The following ST6GALNAC3 variants were observed in gnomAD, a reference collection of about 807,000 sequenced individuals.
ST6GALNAC3 encodes the protein alpha-N-acetylgalactosaminide alpha-2,6-sialyltransferase 3.
ST6GALNAC3 carries 25 observed loss-of-function variants against 32.7 expected under a neutral mutation model. That is an observed-to-expected ratio of 0.76 (90% CI 0.56 to 1.07). ST6GALNAC3 has a LOEUF of 1.07. ST6GALNAC3 is among the 50% of genes least tolerant of loss of function. The probability of loss-of-function intolerance (pLI) is 0.00; values close to 1 mark genes in which losing one functional copy is unlikely to be tolerated. For missense variants in ST6GALNAC3, 355 were observed against 382.4 expected, an observed-to-expected ratio of 0.93 and a Z score of 0.60; for synonymous variants, 129 against 133.1, an observed-to-expected ratio of 0.97 and a Z score of 0.21.
At chr1:76,291,225 A>G (rs1660066558) in intron 1 of ST6GALNAC3, among the ~76,000 whole-genome samples, 1 of 152,222 alleles carries the variant, frequency 6.6e-6, no homozygotes, top group Admixed American at 6.5e-5. Context: ...TTACAACGGC[A>G]TATCGAAAGG....
At chr1:76,166,468 C>T (rs1429696321) in intron 1 of ST6GALNAC3, among the ~76,000 whole-genome samples, 4 of 151,942 alleles carry the variant, frequency 2.6e-5, no homozygotes. Flanking sequence ...CTTAAGATTG[C>T]CTTGACTATT....
At chr1:76,589,996 T>C (rs542881067) in intron 3 of ST6GALNAC3, among the ~76,000 whole-genome samples, 1 of 152,220 alleles carries the variant, frequency 6.6e-6, no homozygotes, top group East Asian at 2.0e-4. Context: ...GGGCTAAGTA[T>C]CCTACAAACT....
chr1:76,107,317 A>G (rs936519322), intron 1 of ST6GALNAC3, among the ~76,000 whole-genome samples: 1 of 141,720 alleles, frequency 7.1e-6, no homozygotes, highest in Non-Finnish European at 1.5e-5. Flanking sequence ...TTTTTTTTAT[A>G]ATAATCAGGC....
chr1:76,613,271 G>C (rs1332491937), intron 3 of ST6GALNAC3, among the ~76,000 whole-genome samples: 1 of 152,132 alleles, frequency 6.6e-6, no homozygotes, highest in Non-Finnish European at 1.5e-5. Context: ...TCTATCTCCT[G>C]GGGGGTCCAA....
At chr1:76,327,941 A>G (rs1647110331) in intron 2 of ST6GALNAC3, among the ~76,000 whole-genome samples, 1 of 152,222 alleles carries the variant, frequency 6.6e-6, no homozygotes, top group East Asian at 1.9e-4. Context: ...TCAAGTTGAC[A>G]CATAAAATAA....
At chr1:76,190,919 T>C (rs1653857325) in intron 1 of ST6GALNAC3, among the ~76,000 whole-genome samples, 1 of 152,214 alleles carries the variant, frequency 6.6e-6, no homozygotes, top group Non-Finnish European at 1.5e-5. Flanking sequence ...TAGAAACTTA[T>C]TTCTCAAAGT....
chr1:76,432,290 A>T (rs1158185331), intron 3 of ST6GALNAC3, among the ~76,000 whole-genome samples: 1 of 152,100 alleles, frequency 6.6e-6, no homozygotes, highest in African/African-American at 2.4e-5. Flanking sequence ...GGTTGTTTCC[A>T]AGTTTTGTCA....
At chr1:76,624,700 T>C (rs1160968096) in intron 3 of ST6GALNAC3, among the ~76,000 whole-genome samples, 5 of 151,922 alleles carry the variant, frequency 3.3e-5, no homozygotes, top group Non-Finnish European at 7.4e-5. Context: ...AGTTATGGCC[T>C]TGGCCTTCGT....
At chr1:76,331,956 T>G (rs558477884) in intron 2 of ST6GALNAC3, among the ~76,000 whole-genome samples, 166 of 152,292 alleles carry the variant, frequency 1.1e-3, no homozygotes, top group African/African-American at 3.9e-3. Context: ...ATTTGTGAAG[T>G]TTCTCGAAAG....
chr1:76,082,792 T>G (rs1173128013), intron 1 of ST6GALNAC3, among the ~76,000 whole-genome samples: 1 of 152,098 alleles, frequency 6.6e-6, no homozygotes, highest in Admixed American at 6.5e-5. Context: ...CATCTGGTAC[T>G]TGAGAGAGTG....
At chr1:76,142,847 T>TG (rs950739185) in intron 1 of ST6GALNAC3, 3 of 453,818 alleles carry the variant, frequency 6.6e-6, no homozygotes, top group African/African-American at 2.0e-5. Flanking sequence ...TTTAAATTTT[T>TG]CATCTGCTTC....
chr1:76,620,006 A>G (rs1465039341), intron 3 of ST6GALNAC3, among the ~76,000 whole-genome samples: 1 of 152,080 alleles, frequency 6.6e-6, no homozygotes, highest in African/African-American at 2.4e-5. Flanking sequence ...ATGCAGGGGA[A>G]TTACCTCCTG....
At chr1:76,163,502 C>T (rs1475851773) in intron 1 of ST6GALNAC3, among the ~76,000 whole-genome samples, 1 of 152,168 alleles carries the variant, frequency 6.6e-6, no homozygotes, top group Non-Finnish European at 1.5e-5. Context: ...TCTTTTTAAG[C>T]CTCAGTTACC....
At chr1:76,444,353 T>C (rs911579655) in intron 3 of ST6GALNAC3, among the ~76,000 whole-genome samples, 6 of 152,168 alleles carry the variant, frequency 3.9e-5, no homozygotes, top group Admixed American at 6.5e-5. Context: ...ATAACACTGG[T>C]CTAGACATTC....
intron 2 of ST6GALNAC3, among the ~76,000 whole-genome samples, chr1:76,379,971 C>G (rs1017153924): frequency 8.5e-5 from 13 of 152,060 alleles, no homozygotes; most frequent in Non-Finnish European, 1.8e-4. Flanking sequence ...TAATTGGTTC[C>G]GACAATGCAC....
intron 1 of ST6GALNAC3, among the ~76,000 whole-genome samples, chr1:76,080,623 C>T (rs921774767): frequency 7.9e-6 from 1 of 126,910 alleles, no homozygotes; most frequent in African/African-American, 3.1e-5. Context: ...TTAACAGAAA[C>T]AGATAAACCA....
intron 2 of ST6GALNAC3, among the ~76,000 whole-genome samples, chr1:76,375,387 G>A (rs966943734): frequency 6.6e-6 from 1 of 152,158 alleles, no homozygotes; most frequent in African/African-American, 2.4e-5. Flanking sequence ...AACAGAAAAT[G>A]TTCCTAGACA....
At chr1:76,609,682 A>G (rs571727481) in intron 3 of ST6GALNAC3, among the ~76,000 whole-genome samples, 1 of 152,322 alleles carries the variant, frequency 6.6e-6, no homozygotes, top group South Asian at 2.1e-4. Flanking sequence ...TTCTTCTTAA[A>G]GATTAATTAG....
chr1:76,235,898 C>T (rs1656628235), intron 1 of ST6GALNAC3, among the ~76,000 whole-genome samples: 1 of 151,382 alleles, frequency 6.6e-6, no homozygotes. Flanking sequence ...TGTCCCGTTT[C>T]CCCTTTTAAC....
Sources: allele counts gnomAD v4.1 joint callset (sites outside exome capture counted in the v4.1 genomes callset), GRCh38; gene constraint gnomAD v4.1.1; transcripts MANE v1.5; gene names NCBI Gene and HGNC (gene_info 2026-07-23, HGNC 2026-07-21).